ARSI: variants seen among roughly 807,000 people sequenced by gnomAD.
ARSI encodes arylsulfatase family member I.
Under a neutral mutation model 42.1 loss-of-function variants are expected in ARSI, and 37 were observed. The ratio of observed to expected loss-of-function variants is 0.88; its 90% CI spans 0.68 to 1.16. The LOEUF (loss-of-function observed/expected upper bound fraction) is 1.16, where lower values mean the gene tolerates loss of function less well. Among genes scored for constraint, ARSI ranks in the 50% most tolerant of loss-of-function variants. The probability of loss-of-function intolerance (pLI) is 0.00; values close to 1 mark genes in which losing one functional copy is unlikely to be tolerated. For missense variants in ARSI, 725 were observed against 790.1 expected (o/e 0.92, Z 0.99); for synonymous variants, 305 against 320.3 (o/e 0.95, Z 0.51).
Position 150,298,179 on chromosome 5 carries a change from G to A in ARSI, c.745C>T (p.Leu249=), listed in dbSNP as rs748529312. The part of the protein sequence containing the change: ...HTPLQSPREY[L]YRYRTMGNVA... The stretch of plus-strand genomic sequence containing the variant: ...TTGCCCATGGTGCGGTAGCGGTACA[G>A]GTACTCACGAGGGGACTGCAGGGGT... The change falls in exon 2 of 2, where the codon CTG becomes TTG. Residue 249 remains leucine, a synonymous_variant. Transcript: ENST00000328668. The A allele has an allele frequency of 5.5e-5, 89 of 1,614,078 alleles. No homozygotes were observed. The East Asian group carries it at 1.0e-3, about 18-fold the overall frequency.
rs1235311214 is a variant in ARSI, at chr5:150,297,416, C to T, written c.1508G>A (p.Arg503His). 18 of 1,607,682 alleles carry T rather than the reference C, an allele frequency of 1.1e-5. No individual in the cohort carries two copies. The highest frequency in any genetic ancestry group is 1.4e-5 in the Non-Finnish European group (16 of 1,176,638). Residue 503 changes from arginine to histidine, a missense_variant, in exon 2 of 2, where the codon CGC becomes CAC. Coordinates refer to ENST00000328668, the MANE Select transcript of ARSI (RefSeq NM_001012301.4). The surrounding 1 kb of genome is among the most constrained non-coding windows in gnomAD (Gnocchi z 7.0). ...AGCCCGGGGGTTCTCAGCTGGGTAG[C>T]GTACCGGGATGGCTGTGCGGTTATA... is the stretch of plus-strand genomic sequence containing the variant. ...AEYNRTAIPV[R>H]YPAENPRAHP...
Position 150,302,390 on chromosome 5 carries a change from G to A in ARSI, c.-17C>T. 1.4e-6 allele frequency: 2 copies of A among 1,414,222 alleles called. No individual in the cohort carries two copies. The highest frequency in any genetic ancestry group is 1.8e-6 in the Non-Finnish European group (2 of 1,085,982). 87.6% of individuals were successfully genotyped at this position (1,414,222 alleles called of 1,614,324 possible). On this transcript the variant is annotated 5_prime_UTR_variant, in exon 1 of 2. Transcript: ENST00000328668. The surrounding 1 kb of genome is among the most constrained non-coding windows in gnomAD (Gnocchi z 6.1). Reference sequence around the variant, plus strand: ...GGTGTGCATCGCCAAGCCGGCCCGCGCGTCCCGGCGCGCCGGGCTCCTGGG... The same window carrying A: ...GGTGTGCATCGCCAAGCCGGCCCGCACGTCCCGGCGCGCCGGGCTCCTGGG...
chr5:150,299,078 G>A (rs2150320867), intron 1 of ARSI, among the ~76,000 whole-genome samples: 1 of 152,320 alleles, frequency 6.6e-6, no homozygotes, highest in African/African-American at 2.4e-5. Context: ...ACTGAGGCTT[G>A]GTAAATTAAA....
chr5:150,300,126 A>C (rs1757895109), intron 1 of ARSI, among the ~76,000 whole-genome samples: 1 of 152,152 alleles, frequency 6.6e-6, no homozygotes, highest in African/African-American at 2.4e-5. Flanking sequence ...CACAGGAGTG[A>C]GTTTCTGTTT....
chr5:150,297,297 G>A lies in ARSI; in HGVS notation c.1627C>T (p.Arg543Cys), dbSNP rs142267983. 1.8e-5 allele frequency: 29 copies of A among 1,611,056 alleles called. No homozygotes were observed. Among genetic ancestry groups the A allele is most frequent in the African/African-American group, 9.4e-5 (7 of 74,786 alleles). Reference sequence around the variant, plus strand: ...CAAATCTTGCATTTTTTCTTGCGACGACCCCGGGAGAAGCTTCGAGCCCTC... The same window carrying A: ...CAAATCTTGCATTTTTTCTTGCGACAACCCCGGGAGAAGCTTCGAGCCCTC... The part of the protein sequence containing the change: ...EGRARSFSRG[R>C]RKKKCKICKL... The change falls in exon 2 of 2, where the codon CGT (arginine) becomes TGT (cysteine). Residue 543 changes from arginine (R) to cysteine (C), a missense_variant. Coordinates refer to ENST00000328668, the MANE Select transcript of ARSI (RefSeq NM_001012301.4). The surrounding 1 kb of genome is among the most constrained non-coding windows in gnomAD (Gnocchi z 7.0).
rs1302527206 is a variant in ARSI at position 150,302,206 on chromosome 5, G to A, written c.168C>T (p.Asp56=). Residue 56 remains aspartate (D), a synonymous_variant, in exon 1 of 2, where the codon GAC becomes GAT. Transcript: ENST00000328668. This position sits in a 1 kb window ranked among gnomAD's most constrained non-coding sequence, Gnocchi z 6.1. The stretch of plus-strand genomic sequence containing the variant: ...GGTAGCCCACGTCGTGGTAGCCTTG[G>A]TCGTCCGTGAGGATGAAGATGATGT... ...PPHIIFILTD[D]QGYHDVGYHG... The A allele has an allele frequency of 1.9e-6, 3 of 1,613,824 alleles. No individual in the cohort carries two copies. In the African/African-American group the frequency reaches 4.0e-5, roughly 22 times the overall value.
At chr5:150,301,928 G>T in intron 1 of ARSI, 135 bp downstream of exon 1, 1 of 924,442 alleles carries the variant, frequency 1.1e-6, no homozygotes, top group Non-Finnish European at 1.6e-6. Context: ...AGAGGGCGAG[G>T]GACTTACTAA....
intron 1 of ARSI, 52 bp from the exon 2 acceptor site, chr5:150,298,664 T>C: frequency 3.3e-6 from 5 of 1,524,214 alleles, no homozygotes; most frequent in Non-Finnish European, 4.4e-6. Context: ...TACAGACCAT[T>C]GCTCTGGCCA....
intron 1 of ARSI, among the ~76,000 whole-genome samples, chr5:150,300,776 G>T (rs1234015620): frequency 6.6e-6 from 1 of 152,144 alleles, no homozygotes; most frequent in South Asian, 2.1e-4. Flanking sequence ...TGCTCATTCC[G>T]CTACTTAAAC....
chr5:150,300,826 TA>T (rs1757907419), intron 1 of ARSI, among the ~76,000 whole-genome samples: 1 of 152,182 alleles, frequency 6.6e-6, no homozygotes, highest in Admixed American at 6.5e-5. Context: ...AAGTTGTGTA[TA>T]ACTCTTGGGA....
Position 150,297,680 on chromosome 5 carries a change from A to ACGG in ARSI, c.1241_1243dup (p.Ala414dup). The ACGG allele has an allele frequency of 6.2e-7, 1 of 1,613,448 alleles. No homozygotes were observed. Among genetic ancestry groups the ACGG allele is most frequent in the Non-Finnish European group, 8.5e-7 (1 of 1,180,026 alleles). ...CTCACCCACGCGGATGGCAGCCTGC[A>ACGG]CGGCGGTGTTCCAGATGCCAAAGCC... On this transcript the variant is annotated inframe_insertion, in exon 2 of 2. Transcript: ENST00000328668. The surrounding 1 kb of genome is among the most constrained non-coding windows in gnomAD (Gnocchi z 7.0).
Position 150,302,176 on chromosome 5 carries a change from A to G in ARSI, c.198T>C (p.Gly66=), listed in dbSNP as rs755591280. ...DQGYHDVGYH[G]SDIETPTLDR... Reference sequence around the variant, plus strand: ...CCAGCGTAGGGGTCTCGATATCTGAACCATGGTAGCCCACGTCGTGGTAGC... The same window carrying G: ...CCAGCGTAGGGGTCTCGATATCTGAGCCATGGTAGCCCACGTCGTGGTAGC... The change falls in exon 1 of 2, where the codon GGT becomes GGC. Residue 66 remains glycine (G), a synonymous_variant. Coordinates refer to ENST00000328668, the MANE Select transcript of ARSI (RefSeq NM_001012301.4). This position sits in a 1 kb window ranked among gnomAD's most constrained non-coding sequence, Gnocchi z 6.1. 1.2e-6 allele frequency: 2 copies of G among 1,613,972 alleles called. No homozygotes were observed. Among genetic ancestry groups the G allele is most frequent in the South Asian group, 2.2e-5 (2 of 91,026 alleles).
Position 150,298,147 on chromosome 5 carries a change from G to C in ARSI, c.777C>G (p.Ala259=). ...TCACCATGGCCGCGTACTTCCGCCG[G>C]GCCACATTGCCCATGGTGCGGTAGC... is the stretch of plus-strand genomic sequence containing the variant. The part of the protein sequence containing the change: ...LYRYRTMGNV[A]RRKYAAMVTC... The change falls in exon 2 of 2, where the codon GCC becomes GCG. Residue 259 remains alanine (A), a synonymous_variant. Coordinates refer to ENST00000328668, the MANE Select transcript of ARSI (RefSeq NM_001012301.4). The C allele has an allele frequency of 6.2e-7, 1 of 1,613,986 alleles. No individual in the cohort carries two copies.
At position 150,298,055 on chromosome 5, in the gene ARSI, CTGT is replaced by C. The variant is rs746683228; in HGVS notation, c.866_868del (p.Asn289del). 6 of 1,613,032 alleles carry C rather than the reference CTGT, an allele frequency of 3.7e-6. No homozygotes were observed. Among genetic ancestry groups the C allele is most frequent in the South Asian group, 3.3e-5 (3 of 91,068 alleles). On this transcript the variant is annotated inframe_deletion, in exon 2 of 2. Transcript: ENST00000328668. Reference sequence around the variant, plus strand: ...ATTGTCACTGGAGAAGATGATGACACTGTTGTTGTAGAAACCGTAGCGCTTGAG... The same window carrying C: ...ATTGTCACTGGAGAAGATGATGACACTGTTGTAGAAACCGTAGCGCTTGAG...
Position 150,302,140 on chromosome 5 carries a change from C to T in ARSI, c.234G>A (p.Ala78=). ...AATTCTCCAACTTGACCCCCTTGGC[C>T]GCCAGCCTGTCCAGCGTAGGGGTCT... ...DIETPTLDRL[A]AKGVKLENYY... The change falls in exon 1 of 2, where the codon GCG becomes GCA. Residue 78 remains alanine, a synonymous_variant. Coordinates refer to ENST00000328668, the MANE Select transcript of ARSI (RefSeq NM_001012301.4). The surrounding 1 kb of genome is among the most constrained non-coding windows in gnomAD (Gnocchi z 6.1). The T allele has an allele frequency of 6.2e-7, 1 of 1,613,322 alleles. No individual in the cohort carries two copies. The highest frequency in any genetic ancestry group is 1.1e-5 in the South Asian group (1 of 90,806).
Position 150,302,024 on chromosome 5 carries a change from G to T in ARSI, c.311+39C>A, listed in dbSNP as rs1389581211. On this transcript the variant is annotated intron_variant, in intron 1 of 1. Coordinates refer to ENST00000328668, the MANE Select transcript of ARSI (RefSeq NM_001012301.4). The surrounding 1 kb of genome is among the most constrained non-coding windows in gnomAD (Gnocchi z 6.1). The stretch of plus-strand genomic sequence containing the variant: ...AATCTATCAACTGGGTTGATTTGGG[G>T]TTTAGATGCCCAGCCCCGGGGCCTT... 1 of 1,523,744 alleles carries T rather than the reference G, an allele frequency of 6.6e-7. No homozygotes were observed. Among genetic ancestry groups the T allele is most frequent in the South Asian group, 1.2e-5 (1 of 80,194 alleles). The allele number at this position is 1,523,744 out of a possible 1,614,324, so 94.4% of individuals were successfully genotyped here.
At chr5:150,300,500 T>C (rs1580975586) in intron 1 of ARSI, among the ~76,000 whole-genome samples, 2 of 152,318 alleles carry the variant, frequency 1.3e-5, no homozygotes, top group African/African-American at 4.8e-5. Context: ...CCGGTCTTCA[T>C]AGAGGTGGGG....
rs1347264528 is a variant in ARSI, at chr5:150,302,781, C to G, written c.-408G>C. On this transcript the variant is annotated 5_prime_UTR_variant, in exon 1 of 2. Coordinates refer to ENST00000328668, the MANE Select transcript of ARSI (RefSeq NM_001012301.4). This position sits in a 1 kb window ranked among gnomAD's most constrained non-coding sequence, Gnocchi z 6.1. ...TTTCTCTCTCCTCTGCTTTCCCGGC[C>G]TCTCGCCCCACCCGGAGTCCTTAAA... 6.3e-6 allele frequency: 1 copy of G among 158,354 alleles called. No homozygotes were observed. Among genetic ancestry groups the G allele is most frequent in the Non-Finnish European group, 1.4e-5 (1 of 72,614 alleles). The allele number at this position is 158,354 out of a possible 1,614,324, so 9.8% of individuals were successfully genotyped here.
At position 150,302,597 on chromosome 5, in the gene ARSI, C is replaced by CT. The variant is rs1757942267; in HGVS notation, c.-225dup. The stretch of plus-strand genomic sequence containing the variant: ...GGAGGTCAGGCCCGCGCCGAGCTGC[C>CT]TCCCGCTGCCTAAGCGCAGGCCCTG... On this transcript the variant is annotated 5_prime_UTR_variant, in exon 1 of 2. Transcript: ENST00000328668. The surrounding 1 kb of genome is among the most constrained non-coding windows in gnomAD (Gnocchi z 6.1). The CT allele has an allele frequency of 2.6e-6, 1 of 379,784 alleles. No homozygotes were observed. Among genetic ancestry groups the CT allele is most frequent in the Non-Finnish European group, 4.6e-6 (1 of 216,126 alleles). The allele number at this position is 379,784 out of a possible 1,614,324, so 23.5% of individuals were successfully genotyped here.
Sources: allele counts gnomAD v4.1 joint callset (sites outside exome capture counted in the v4.1 genomes callset), GRCh38; gene constraint gnomAD v4.1.1; non-coding constraint Gnocchi (gnomAD v3.1); transcripts MANE v1.5; gene names NCBI Gene and HGNC (gene_info 2026-07-23, HGNC 2026-07-21).